Variants in GLYR1 observed in about 807,000 individuals in gnomAD.
The protein encoded by GLYR1 is cytokine-like nuclear factor N-PAC.
GLYR1 carries 21 observed loss-of-function variants against 72.7 expected under a neutral mutation model. The ratio of observed to expected loss-of-function variants is 0.29; its 90% CI spans 0.20 to 0.42. GLYR1 has a LOEUF of 0.42. Among genes scored for constraint, GLYR1 ranks in the 10% least tolerant of loss-of-function variants. The pLI is 1.00. For synonymous variants in GLYR1, 392 were observed against 270.2 expected (o/e 1.45, Z -4.42); for missense variants, 594 against 712.1 (o/e 0.83, Z 1.89).
At chr16:4,838,612 A>G (rs1019329074) in intron 3 of GLYR1, among the ~76,000 whole-genome samples, 1 of 150,604 alleles carries the variant, frequency 6.6e-6, no homozygotes, top group Non-Finnish European at 1.5e-5. Context: ...TTTGAGACAG[A>G]GTCTCACTCT....
At chr16:4,844,964 A>G in intron 3 of GLYR1, 110 bp downstream of exon 3, 1 of 746,894 alleles carries the variant, frequency 1.3e-6, no homozygotes, top group East Asian at 2.5e-5. Flanking sequence ...CCAGTATTAC[A>G]CATTATAAGA....
intron 3 of GLYR1, among the ~76,000 whole-genome samples, chr16:4,834,655 G>A (rs1021541260): frequency 6.6e-6 from 1 of 152,042 alleles, no homozygotes; most frequent in Non-Finnish European, 1.5e-5. Flanking sequence ...TAGTAGAGAC[G>A]GGGTTTCCCT....
chr16:4,815,665 C>G (rs1465730463), intron 10 of GLYR1, among the ~76,000 whole-genome samples: 2 of 152,210 alleles, frequency 1.3e-5, no homozygotes, highest in Admixed American at 1.3e-4. Context: ...TAAAGATCAC[C>G]AGCAAGCTCT....
At chr16:4,815,094 A>G (rs1274386360) in intron 10 of GLYR1, among the ~76,000 whole-genome samples, 2 of 151,940 alleles carry the variant, frequency 1.3e-5, no homozygotes, top group African/African-American at 4.8e-5. Context: ...GAAGTGCCTA[A>G]AAACACTACC....
At chr16:4,838,802 T>G (rs770393881) in intron 3 of GLYR1, among the ~76,000 whole-genome samples, 1 of 152,120 alleles carries the variant, frequency 6.6e-6, no homozygotes, top group East Asian at 1.9e-4. Flanking sequence ...TTAGCCAGCA[T>G]GGTCTTGATC....
At chr16:4,830,429 G>A (rs2084719651) in intron 5 of GLYR1, among the ~76,000 whole-genome samples, 1 of 152,096 alleles carries the variant, frequency 6.6e-6, no homozygotes, top group African/African-American at 2.4e-5. Context: ...GACAGAGCAT[G>A]ACCTCCCCAG....
At chr16:4,846,689 G>C (rs1040102608) in intron 1 of GLYR1, 8 of 248,954 alleles carry the variant, frequency 3.2e-5, no homozygotes, top group Admixed American at 1.5e-4. Context: ...GCACCCAAGC[G>C]TGCACTGGTC....
At chr16:4,810,998 A>C (rs1260544542) in intron 15 of GLYR1, among the ~76,000 whole-genome samples, 172 bp downstream of exon 15, 4 of 151,866 alleles carry the variant, frequency 2.6e-5, no homozygotes, top group Admixed American at 2.6e-4. Flanking sequence ...CCAACTACTC[A>C]GGAGGCTGAG....
chr16:4,827,501 T>A (rs1231088216), intron 5 of GLYR1, among the ~76,000 whole-genome samples: 1 of 151,846 alleles, frequency 6.6e-6, no homozygotes, highest in Non-Finnish European at 1.5e-5. Context: ...CCTCGAAGGG[T>A]CAATAGCAGC....
chr16:4,806,813 T>C (rs2083009169), intron 15 of GLYR1, among the ~76,000 whole-genome samples: 1 of 151,798 alleles, frequency 6.6e-6, no homozygotes, highest in Non-Finnish European at 1.5e-5. Context: ...TTCTTTTTTT[T>C]TTTTTTGAGA....
intron 9 of GLYR1, chr16:4,817,928 C>T (rs1275943914): frequency 4.0e-6 from 2 of 500,688 alleles, no homozygotes; most frequent in African/African-American, 1.9e-5. Context: ...TTTTGAAACC[C>T]CTGACTGTCA....
intron 12 of GLYR1, among the ~76,000 whole-genome samples, chr16:4,813,035 T>C (rs536584072): frequency 6.6e-6 from 1 of 151,152 alleles, no homozygotes; most frequent in Admixed American, 6.6e-5. Flanking sequence ...CGATCACAGC[T>C]CACTGCAAGC....
chr16:4,822,156 G>C (rs542684264), intron 7 of GLYR1, among the ~76,000 whole-genome samples: 17 of 152,232 alleles, frequency 1.1e-4, no homozygotes, highest in African/African-American at 4.1e-4. Flanking sequence ...GCACCATCTC[G>C]GCTTGCTGCA....
intron 15 of GLYR1, among the ~76,000 whole-genome samples, chr16:4,808,015 T>C (rs2083097205): frequency 6.6e-6 from 1 of 151,020 alleles, no homozygotes; most frequent in Admixed American, 6.6e-5. Flanking sequence ...GCAGGCGGAT[T>C]ACTTGAGGCC....
chr16:4,806,628 C>T (rs1414198925), intron 15 of GLYR1, among the ~76,000 whole-genome samples: 1 of 151,534 alleles, frequency 6.6e-6, no homozygotes, highest in African/African-American at 2.4e-5. Context: ...TGCCTCGACC[C>T]TGCCTCGACC....
chr16:4,814,417 T>C (rs2083498313), intron 11 of GLYR1, 120 bp downstream of exon 11: 6 of 750,206 alleles, frequency 8.0e-6, no homozygotes, highest in Non-Finnish European at 1.4e-5. Flanking sequence ...TGGCCCCTGA[T>C]GGGAAATTCA....
At chr16:4,837,832 G>A (rs2085251963) in intron 3 of GLYR1, among the ~76,000 whole-genome samples, 1 of 152,164 alleles carries the variant, frequency 6.6e-6, no homozygotes, top group South Asian at 2.1e-4. Context: ...TCCGGAGGCT[G>A]AGGCAGGATA....
intron 4 of GLYR1, 126 bp from the exon 5 acceptor site, chr16:4,832,347 T>C (rs983147547): frequency 1.4e-5 from 16 of 1,159,268 alleles, no homozygotes; most frequent in Admixed American, 4.6e-5. Flanking sequence ...ACCCTAGAAA[T>C]AGATTCTGCT....
chr16:4,837,842 A>G (rs1177677933), intron 3 of GLYR1, among the ~76,000 whole-genome samples: 1 of 152,058 alleles, frequency 6.6e-6, no homozygotes, highest in Admixed American at 6.6e-5. Flanking sequence ...GAGGCAGGAT[A>G]ATCGCTTGAA....
Sources: gnomAD v4.1 joint callset for allele counts (sites outside exome capture counted in the v4.1 genomes callset) on GRCh38, gnomAD v4.1.1 for gene constraint, MANE v1.5 for transcripts, NCBI Gene and HGNC (gene_info 2026-07-23, HGNC 2026-07-21) for gene names.